LRP2: variants seen among roughly 807,000 people sequenced by gnomAD.
LRP2 encodes LDL receptor related protein 2.
Under a neutral mutation model 531.0 loss-of-function variants are expected in LRP2, and 172 were observed. The observed-to-expected ratio is 0.32, with a 90% confidence interval of 0.29 to 0.37. The LOEUF (loss-of-function observed/expected upper bound fraction) is 0.37, where lower values mean the gene tolerates loss of function less well. LRP2 is among the 10% of genes least tolerant of loss of function. The pLI is 1.00. For synonymous variants in LRP2, 1,992 were observed against 2,027.6 expected (o/e 0.98, Z 0.47); for missense variants, 5,167 against 5,868.3 (o/e 0.88, Z 3.90).
In LRP2 at chr2:169,168,683, T is replaced by C. The variant is rs1558991520; in HGVS notation, c.11498-7A>G. 1 of 1,612,650 alleles carries C rather than the reference T, an allele frequency of 6.2e-7. No homozygotes were observed. The highest frequency in any genetic ancestry group is 1.3e-5 in the African/African-American group (1 of 74,974). On this transcript the variant is annotated splice_polypyrimidine_tract_variant and splice_region_variant and intron_variant, in intron 60 of 78. Transcript: ENST00000649046. ...CCATCAGGAAAGCGTGTGGCTGCCA[T>C]GGGGGAAAAAAACATATTCAAATTA...
At position 169,211,991 on chromosome 2, in the gene LRP2, G is replaced by T; in HGVS notation, c.6257C>A (p.Thr2086Asn). ...ACCTTGGCCTGCCACCGGCACCATG[G>T]TTTCTGAATGATCTGACAATTCCAA... ...FSLELSDHSE[T>N]MVPVAGQGRN... The change falls in exon 37 of 79, where the codon ACC becomes AAC. Residue 2086 changes from threonine (T) to asparagine (N), a missense_variant. Thr to Asn is a moderately conservative substitution (Grantham distance 65). Transcript: ENST00000649046. The T allele has an allele frequency of 6.2e-7, 1 of 1,613,956 alleles. No homozygotes were observed. The highest frequency in any genetic ancestry group is 8.5e-7 in the Non-Finnish European group (1 of 1,179,900).
At chr2:169,137,340 T>C in intron 76 of LRP2, 52 bp downstream of exon 76, 1 of 1,255,530 alleles carries the variant, frequency 8.0e-7, no homozygotes, top group Non-Finnish European at 1.2e-6. Flanking sequence ...ACTCAATAGA[T>C]TAAGATCCAG....
Position 169,230,956 on chromosome 2 carries a change from A to G in LRP2, c.5227+758T>C, listed in dbSNP as rs541107123. On this transcript the variant is annotated intron_variant, in intron 31 of 78. Coordinates refer to ENST00000649046, the MANE Select transcript of LRP2 (RefSeq NM_004525.3). ...ACAGTACTGAAATTGGAGTCAGAAGACCCAGGCTAGAACACTCATTAACTA... is the reference window on the plus strand; with the variant it reads ...ACAGTACTGAAATTGGAGTCAGAAGGCCCAGGCTAGAACACTCATTAACTA... 2.0e-5 allele frequency among the ~76,000 whole-genome samples: 3 copies of G among 152,316 alleles called. No homozygotes were observed. In the East Asian group the frequency reaches 5.8e-4, roughly 29 times the overall value.
chr2:169,350,578 C>T lies in LRP2; in HGVS notation c.79+11743G>A, dbSNP rs148248938. Among the ~76,000 whole-genome samples, 851 of 151,956 alleles carry T rather than the reference C, an allele frequency of 5.6e-3. 5 individuals carry two copies. The highest frequency in any genetic ancestry group is 0.02 in the African/African-American group (819 of 41,420). On this transcript the variant is annotated intron_variant, in intron 1 of 78. Transcript: ENST00000649046. The stretch of plus-strand genomic sequence containing the variant: ...ATCTCTACAAAAATACAAAAATTAG[C>T]CAGGCATGGTGGTGTGCACCTGTAA...
intron 76 of LRP2, among the ~76,000 whole-genome samples, chr2:169,133,499 T>C (rs1236984313): frequency 6.6e-6 from 1 of 152,246 alleles, no homozygotes; most frequent in East Asian, 1.9e-4. Context: ...GCTTTCAAGA[T>C]TTAAACATTT....
chr2:169,138,360 C>T (rs796608377), intron 75 of LRP2, among the ~76,000 whole-genome samples: 13 of 152,150 alleles, frequency 8.5e-5, no homozygotes, highest in East Asian at 1.9e-4. Context: ...AATTCAACAG[C>T]GTGGCTTAGA....
At chr2:169,232,315 C>T (rs957172757) in intron 30 of LRP2, among the ~76,000 whole-genome samples, 1 of 152,022 alleles carries the variant, frequency 6.6e-6, no homozygotes, top group Non-Finnish European at 1.5e-5. Context: ...GATGATATCT[C>T]TGTGTGTCTC....
chr2:169,331,793 A>G (rs1302523664), intron 1 of LRP2, among the ~76,000 whole-genome samples: 1 of 152,234 alleles, frequency 6.6e-6, no homozygotes, highest in African/African-American at 2.4e-5. Flanking sequence ...TTCCCATTTC[A>G]GAGCACATTT....
chr2:169,330,694 T>C (rs1056341002), intron 1 of LRP2, among the ~76,000 whole-genome samples: 4 of 152,118 alleles, frequency 2.6e-5, no homozygotes, highest in Non-Finnish European at 4.4e-5. Context: ...GGAACACCAG[T>C]AGTGCTCCCC....
intron 12 of LRP2, 133 bp from the exon 13 acceptor site, chr2:169,278,084 G>A: frequency 1.4e-6 from 1 of 728,110 alleles, no homozygotes; most frequent in South Asian, 1.7e-5. Flanking sequence ...AAACAACAGG[G>A]AAATTAAGTT....
At chr2:169,258,976 G>T (rs753554934) in intron 17 of LRP2, 49 bp downstream of exon 17, 1 of 1,539,474 alleles carries the variant, frequency 6.5e-7, no homozygotes, top group South Asian at 1.1e-5. Context: ...TTCAATGACT[G>T]TAAAAGACAT....
intron 4 of LRP2, among the ~76,000 whole-genome samples, chr2:169,305,646 T>C (rs1241653078): frequency 2.0e-5 from 3 of 152,196 alleles, no homozygotes. Context: ...GCTCACCAAT[T>C]AATGGAATAC....
Position 169,129,088 on chromosome 2 carries a change from AAT to A in LRP2, c.13729-6_13729-5del. The A allele has an allele frequency of 6.3e-7, 1 of 1,596,730 alleles. No individual in the cohort carries two copies. Among genetic ancestry groups the A allele is most frequent in the Non-Finnish European group, 8.6e-7 (1 of 1,164,176 alleles). On this transcript the variant is annotated splice_polypyrimidine_tract_variant and splice_region_variant and intron_variant, in intron 77 of 78. Coordinates refer to ENST00000649046, the MANE Select transcript of LRP2 (RefSeq NM_004525.3). ...TGAAGAGATTCCATTTTGTCACCTAAATGAAAAGGGGAAAACAAAAACCTCTC... is the reference window on the plus strand; with the variant it reads ...TGAAGAGATTCCATTTTGTCACCTAAGAAAAGGGGAAAACAAAAACCTCTC...
chr2:169,239,621 A>G lies in LRP2; in HGVS notation c.4200T>C (p.Cys1400=). ...CTCTCATATTGTAACAGTGCTGGCT[A>G]CAAGAGCCTAGAATATCACATTCAT... ...DIDECDILGS[C]SQHCYNMRGS... The change falls in exon 26 of 79, where the codon TGT becomes TGC. Residue 1400 remains cysteine, a synonymous_variant. Transcript: ENST00000649046. The G allele has an allele frequency of 6.2e-7, 1 of 1,614,112 alleles. No individual in the cohort carries two copies. The highest frequency in any genetic ancestry group is 8.5e-7 in the Non-Finnish European group (1 of 1,179,966).
At position 169,206,979 on chromosome 2, in the gene LRP2, G is replaced by A. The variant is rs545476826; in HGVS notation, c.6741C>T (p.Tyr2247=). ...RGLAVDRSDG[Y]VYWVDDSLDI... ...CTAAAGAATCATCAACCCAATAAAC[G>A]TAGCCATCACTTCGGTCCACTGCCA... Residue 2247 remains tyrosine (Y), a synonymous_variant, in exon 39 of 79, where the codon TAC becomes TAT. Transcript: ENST00000649046. 48 of 1,614,104 alleles carry A rather than the reference G, an allele frequency of 3.0e-5. No homozygotes were observed. The highest frequency in any genetic ancestry group is 7.7e-5 in the South Asian group (7 of 91,080).
At chr2:169,182,983 C>A (rs775337715) in intron 50 of LRP2, among the ~76,000 whole-genome samples, 1 of 152,130 alleles carries the variant, frequency 6.6e-6, no homozygotes, top group Non-Finnish European at 1.5e-5. Flanking sequence ...GGTAAGTGTT[C>A]TTAACCCAAG....
intron 51 of LRP2, 106 bp from the exon 52 acceptor site, chr2:169,181,724 G>GCCC: frequency 1.8e-6 from 1 of 547,040 alleles, no homozygotes. Flanking sequence ...ATTCTGTAGA[G>GCCC]CAGACTGCAT....
At chr2:169,162,387 T>C in intron 63 of LRP2, 85 bp downstream of exon 63, 1 of 1,467,908 alleles carries the variant, frequency 6.8e-7, no homozygotes, top group Admixed American at 1.7e-5. Context: ...GAAAATGTGG[T>C]CAGTGTCTAC....
intron 22 of LRP2, 71 bp from the exon 23 acceptor site, chr2:169,243,593 T>TGG: frequency 6.3e-7 from 1 of 1,585,118 alleles, no homozygotes; most frequent in South Asian, 1.1e-5. Flanking sequence ...AAACTAAAAA[T>TGG]GGCTAAATAG....
Sources: allele counts gnomAD v4.1 joint callset (sites outside exome capture counted in the v4.1 genomes callset), GRCh38; gene constraint gnomAD v4.1.1; transcripts MANE v1.5; gene names NCBI Gene and HGNC (gene_info 2026-07-23, HGNC 2026-07-21).